Variants in ZMYND8 observed in about 807,000 individuals in gnomAD.
ZMYND8 encodes the protein zinc finger MYND-type containing 8.
In ZMYND8, 37 loss-of-function variants were observed where a neutral mutation model predicts 140.8. The ratio of observed to expected loss-of-function variants is 0.26; its 90% CI spans 0.20 to 0.35. ZMYND8 has a LOEUF of 0.35. ZMYND8 is among the 10% of genes least tolerant of loss of function. ZMYND8 has a pLI of 1.00. For synonymous variants in ZMYND8, 592 were observed against 597.1 expected (o/e 0.99, Z 0.12); for missense variants, 1,068 against 1,570.0 (o/e 0.68, Z 5.40).
At chr20:47,274,306 C>G (rs879762777) in intron 11 of ZMYND8, among the ~76,000 whole-genome samples, 184 of 152,272 alleles carry the variant, frequency 1.2e-3, no homozygotes, top group Non-Finnish European at 2.4e-3. Context: ...TTTAAACACA[C>G]GAGCCTATAC....
intron 3 of ZMYND8, among the ~76,000 whole-genome samples, chr20:47,301,086 T>C (rs1051296124): frequency 1.3e-5 from 2 of 152,054 alleles, no homozygotes; most frequent in African/African-American, 4.8e-5. Context: ...TAAACCAATG[T>C]TTCTAAGCCT....
At chr20:47,318,999 CAA>C in intron 2 of ZMYND8, 1 of 1,351,328 alleles carries the variant, frequency 7.4e-7, no homozygotes. Context: ...CTCTCTTGTT[CAA>C]AAGAGAACAG....
chr20:47,347,739 C>T, intron 2 of ZMYND8, 117 bp downstream of exon 2: 1 of 980,852 alleles, frequency 1.0e-6, no homozygotes, highest in Non-Finnish European at 1.5e-6. Flanking sequence ...TCTGAAAATC[C>T]AAGAAGAGTT....
Position 47,276,255 on chromosome 20 carries a change from C to T in ZMYND8, c.1480+59G>A, listed in dbSNP as rs188707315. ...CCTGCTTGGGCCCACCAAGTGTGCACCCATGGGAAACCCCCGTGTCCAAGG... is the reference window on the plus strand; with the variant it reads ...CCTGCTTGGGCCCACCAAGTGTGCATCCATGGGAAACCCCCGTGTCCAAGG... On this transcript the variant is annotated intron_variant, in intron 11 of 22. Coordinates refer to ENST00000471951, the MANE Select transcript of ZMYND8 (RefSeq NM_001281775.3). 1.4e-4 allele frequency: 201 copies of T among 1,488,400 alleles called. 1 individual carries two copies. The African/African-American group carries it at 2.6e-3, about 19-fold the overall frequency. 92.2% of individuals were successfully genotyped at this position (1,488,400 alleles called of 1,614,324 possible). A position where few individuals can be genotyped will look rare whatever the true frequency, so the allele number is the denominator to read the frequency against.
rs1235839359 is a variant in ZMYND8, at chr20:47,276,813, A to G, written c.999-18T>C. ...CCCAGGCCCTAGAAGGGCAAAAGATAAAGAGAGTTTAAGTCAACTTCAGTA... is the reference window on the plus strand; with the variant it reads ...CCCAGGCCCTAGAAGGGCAAAAGATGAAGAGAGTTTAAGTCAACTTCAGTA... On this transcript the variant is annotated intron_variant, in intron 10 of 22. Transcript: ENST00000471951. 6.4e-7 allele frequency: 1 copy of G among 1,567,436 alleles called. No homozygotes were observed. Among genetic ancestry groups the G allele is most frequent in the South Asian group, 1.2e-5 (1 of 84,838 alleles).
At chr20:47,286,262 C>A (rs1487188138) in intron 8 of ZMYND8, among the ~76,000 whole-genome samples, 1 of 151,686 alleles carries the variant, frequency 6.6e-6, no homozygotes, top group Non-Finnish European at 1.5e-5. Flanking sequence ...ACTGCAACCT[C>A]TGCCTCCCAG....
chr20:47,302,000 A>G (rs2078085943), intron 3 of ZMYND8, among the ~76,000 whole-genome samples: 1 of 76,650 alleles, frequency 1.3e-5, no homozygotes, highest in Admixed American at 1.0e-4. Context: ...CGAAGCAGCC[A>G]TGTGAAGGAC....
intron 6 of ZMYND8, among the ~76,000 whole-genome samples, chr20:47,290,514 T>C (rs1296453181): frequency 6.6e-6 from 1 of 152,106 alleles, no homozygotes; most frequent in Non-Finnish European, 1.5e-5. Flanking sequence ...AACTGGAATT[T>C]TCTCATCTTA....
chr20:47,319,144 C>T (rs1251461641), intron 2 of ZMYND8: 2 of 881,532 alleles, frequency 2.3e-6, no homozygotes, highest in Non-Finnish European at 3.2e-6. Flanking sequence ...CGCATTAGGT[C>T]GCCCGGCGGG....
At position 47,249,437 on chromosome 20, in the gene ZMYND8, G is replaced by A; in HGVS notation, c.1624C>T (p.Arg542Ter). ...TGSILNLNLD[R>*]SKAEMDLKEL... The stretch of plus-strand genomic sequence containing the variant: ...TTCAAATCCATCTCAGCTTTGCTTC[G>A]ATCTGAAAGAAACCATCACACCCTC... The change falls in exon 13 of 23, where the codon CGA (arginine) becomes TGA (stop). Residue 542 changes from arginine (R) to a stop codon, truncating the protein, a stop_gained and splice_region_variant. Transcript: ENST00000471951. LOFTEE classifies it high-confidence loss of function. 1 of 1,613,906 alleles carries A rather than the reference G, an allele frequency of 6.2e-7. No homozygotes were observed. Among genetic ancestry groups the A allele is most frequent in the Non-Finnish European group, 8.5e-7 (1 of 1,179,892 alleles).
chr20:47,346,338 G>A (rs1602142903), intron 2 of ZMYND8, among the ~76,000 whole-genome samples: 1 of 152,122 alleles, frequency 6.6e-6, no homozygotes, highest in South Asian at 2.1e-4. Flanking sequence ...GAAGTCCCTG[G>A]TGGCTCAGCT....
At chr20:47,319,234 T>C (rs1445483126) in intron 2 of ZMYND8, 1 of 365,198 alleles carries the variant, frequency 2.7e-6, no homozygotes, top group Admixed American at 3.7e-5. Flanking sequence ...CTTTCGCCTA[T>C]AATTTATCAC....
intron 14 of ZMYND8, among the ~76,000 whole-genome samples, chr20:47,242,551 C>CA (rs1282794052): frequency 2.0e-5 from 3 of 152,154 alleles, no homozygotes; most frequent in African/African-American, 7.2e-5. Context: ...GCCACATTAC[C>CA]AAAAAATATA....
At chr20:47,225,744 T>C (rs1355113471) in intron 18 of ZMYND8, among the ~76,000 whole-genome samples, 1 of 151,812 alleles carries the variant, frequency 6.6e-6, no homozygotes, top group Admixed American at 6.6e-5. Flanking sequence ...ACTAGGGGTC[T>C]GTAAACCATA....
chr20:47,278,736 G>A (rs1437055491), intron 10 of ZMYND8, among the ~76,000 whole-genome samples: 4 of 152,128 alleles, frequency 2.6e-5, no homozygotes, highest in South Asian at 2.1e-4. Context: ...TTTCTCCTGA[G>A]ACCTGAAGAA....
At chr20:47,248,996 C>CA (rs1299757132) in intron 13 of ZMYND8, among the ~76,000 whole-genome samples, 2 of 152,150 alleles carry the variant, frequency 1.3e-5, no homozygotes, top group Non-Finnish European at 2.9e-5. Context: ...AGGCAAAACT[C>CA]AGAGGATCCT....
intron 11 of ZMYND8, among the ~76,000 whole-genome samples, chr20:47,268,055 G>T (rs913571629): frequency 1.3e-5 from 2 of 152,132 alleles, no homozygotes; most frequent in African/African-American, 4.8e-5. Flanking sequence ...GGATACCTCT[G>T]GATGCTTATC....
At chr20:47,345,463 A>G (rs1044470255) in intron 2 of ZMYND8, among the ~76,000 whole-genome samples, 2 of 152,004 alleles carry the variant, frequency 1.3e-5, no homozygotes, top group Admixed American at 1.3e-4. Flanking sequence ...GGTACTGGAA[A>G]ATCATCAGAA....
At chr20:47,345,298 G>T (rs1027550695) in intron 2 of ZMYND8, among the ~76,000 whole-genome samples, 1 of 152,094 alleles carries the variant, frequency 6.6e-6, no homozygotes, top group Non-Finnish European at 1.5e-5. Flanking sequence ...ACACACAGGG[G>T]CCCCAAGGAA....
Sources: allele counts gnomAD v4.1 joint callset (sites outside exome capture counted in the v4.1 genomes callset), GRCh38; gene constraint gnomAD v4.1.1; transcripts MANE v1.5; gene names NCBI Gene and HGNC (gene_info 2026-07-23, HGNC 2026-07-21).